Variants in MKLN1 observed in about 807,000 individuals in gnomAD.
MKLN1 encodes muskelin.
In MKLN1, 18 loss-of-function variants were observed where a neutral mutation model predicts 99.0. That is an observed-to-expected ratio of 0.18 (90% CI 0.13 to 0.27). The LOEUF (loss-of-function observed/expected upper bound fraction) is 0.27. MKLN1 is among the 10% of genes least tolerant of loss of function. The pLI is 1.00. For synonymous variants in MKLN1, 288 were observed against 293.2 expected (o/e 0.98, Z 0.18); for missense variants, 621 against 875.9 (o/e 0.71, Z 3.67).
chr7:131,349,201 C>CTATCTATCT (rs1554556174), intron 1 of MKLN1, among the ~76,000 whole-genome samples: 2 of 148,212 alleles, frequency 1.3e-5, no homozygotes, highest in East Asian at 3.9e-4. Flanking sequence ...TTAAATCTAT[C>CTATCTATCT]TTTTTTTTTT....
chr7:131,328,128 G>C (rs1223752842), intron 1 of MKLN1, 131 bp downstream of exon 1: 3 of 1,138,644 alleles, frequency 2.6e-6, no homozygotes, highest in African/African-American at 1.6e-5. Context: ...GCGGCCTCCG[G>C]AGTCTTAGTT....
chr7:131,212,848 G>C (rs912226192), intron 3 of MKLN1, among the ~76,000 whole-genome samples: 1 of 151,702 alleles, frequency 6.6e-6, no homozygotes, highest in South Asian at 2.1e-4. Flanking sequence ...GCTGGAACCC[G>C]GGAGGCGGAG....
chr7:131,485,664 C>T (rs751613232), intron 17 of MKLN1, among the ~76,000 whole-genome samples: 1 of 152,074 alleles, frequency 6.6e-6, no homozygotes, highest in Non-Finnish European at 1.5e-5. Context: ...TGAGGACACA[C>T]AATATCACTT....
intron 2 of MKLN1, among the ~76,000 whole-genome samples, chr7:131,380,625 A>T (rs1452094234): frequency 6.6e-6 from 1 of 152,206 alleles, no homozygotes; most frequent in Non-Finnish European, 1.5e-5. Flanking sequence ...AAAGTTATTC[A>T]CTTTTTAGTT....
At position 131,487,817 on chromosome 7, in the gene MKLN1, A is replaced by C; in HGVS notation, c.*89A>C. The C allele has an allele frequency of 6.7e-7, 1 of 1,487,156 alleles. No homozygotes were observed. The highest frequency in any genetic ancestry group is 1.3e-5 in the South Asian group (1 of 79,196). 92.1% of individuals were successfully genotyped at this position (1,487,156 alleles called of 1,614,324 possible). A position where few individuals can be genotyped will look rare whatever the true frequency, so the allele number is the denominator to read the frequency against. On this transcript the variant is annotated 3_prime_UTR_variant, in exon 18 of 18. Coordinates refer to ENST00000352689, the MANE Select transcript of MKLN1 (RefSeq NM_013255.5). The surrounding 1 kb of genome is among the most constrained non-coding windows in gnomAD (Gnocchi z 4.7). ...CTCCACTGACTGACAGTAAAGCTGC[A>C]GTGATTGAGGACTGCACCAGAGTTC...
At chr7:131,430,298 T>A (rs1584734572) in intron 9 of MKLN1, among the ~76,000 whole-genome samples, 2 of 152,196 alleles carry the variant, frequency 1.3e-5, no homozygotes, top group South Asian at 4.2e-4. Context: ...GTCCAGGGAT[T>A]AATCACTGGA....
rs1188646068 is a variant in MKLN1 at position 131,488,025 on chromosome 7, AAAATT to A, written c.*299_*303del. The A allele has an allele frequency of 6.4e-6, 1 of 156,980 alleles. No individual in the cohort carries two copies. The allele number at this position is 156,980 out of a possible 1,614,324, so 9.7% of individuals were successfully genotyped here. ...TTTAAGAATTAATGAGTATAAAAGA[AAAATT>A]AGGCAGTTTACCCTTTTCAGATTTT... On this transcript the variant is annotated 3_prime_UTR_variant, in exon 18 of 18. Transcript: ENST00000352689.
At chr7:131,195,865 C>T (rs1011185113) in intron 2 of MKLN1, among the ~76,000 whole-genome samples, 2 of 152,070 alleles carry the variant, frequency 1.3e-5, no homozygotes, top group Non-Finnish European at 2.9e-5. Context: ...GCAGGGGAAC[C>T]GCTTGAACCC....
intron 1 of MKLN1, among the ~76,000 whole-genome samples, chr7:131,331,249 A>G (rs940101604): frequency 2.6e-5 from 4 of 152,164 alleles, no homozygotes; most frequent in Admixed American, 6.5e-5. Context: ...CCAGGGTCAT[A>G]TAGTTTTCCA....
intron 2 of MKLN1, among the ~76,000 whole-genome samples, chr7:131,153,045 T>G (rs1335718657): frequency 1.3e-5 from 2 of 149,308 alleles, no homozygotes; most frequent in Non-Finnish European, 3.0e-5. Context: ...TTTTTTTTTT[T>G]TTGGCAAGAC....
At chr7:131,243,739 C>T (rs946898448) in intron 3 of MKLN1, among the ~76,000 whole-genome samples, 1 of 152,238 alleles carries the variant, frequency 6.6e-6, no homozygotes. Flanking sequence ...TCAGGCCCTG[C>T]GAGGTAGCTC....
chr7:131,446,204 A>AT (rs372295779), intron 12 of MKLN1, among the ~76,000 whole-genome samples: 1 of 151,956 alleles, frequency 6.6e-6, no homozygotes, highest in Non-Finnish European at 1.5e-5. Context: ...GTGTTTGCTA[A>AT]TTTTTTTCAT....
chr7:131,128,691 C>T (rs1429037653), intron 1 of MKLN1, among the ~76,000 whole-genome samples: 2 of 152,000 alleles, frequency 1.3e-5, no homozygotes, highest in Non-Finnish European at 2.9e-5. Context: ...ATTCATAGCT[C>T]GCTGTAACCT....
intron 11 of MKLN1, among the ~76,000 whole-genome samples, chr7:131,445,127 T>G (rs375450229): frequency 6.6e-6 from 1 of 152,190 alleles, no homozygotes; most frequent in Non-Finnish European, 1.5e-5. Context: ...TCAAAAAGTA[T>G]GTATTAAAAT....
intron 1 of MKLN1, among the ~76,000 whole-genome samples, chr7:131,354,648 T>C (rs1799821436): frequency 6.6e-6 from 1 of 152,158 alleles, no homozygotes; most frequent in Non-Finnish European, 1.5e-5. Context: ...TATTTTTTTC[T>C]GGATTTTTGA....
At position 131,479,750 on chromosome 7, in the gene MKLN1, C is replaced by A. The variant is rs1797065609; in HGVS notation, c.2086+1073C>A. On this transcript the variant is annotated intron_variant, in intron 17 of 17. Coordinates refer to ENST00000352689, the MANE Select transcript of MKLN1 (RefSeq NM_013255.5). ...GCTGAGGCAGGAGAATGGCGGTAAC[C>A]CAGGAGGCAGAGCTCGCAGTGAGCC... is the stretch of plus-strand genomic sequence containing the variant. 7.2e-5 allele frequency among the ~76,000 whole-genome samples: 11 copies of A among 151,982 alleles called. No homozygotes were observed. The South Asian group carries it at 2.3e-3, about 32-fold the overall frequency.
chr7:131,468,406 A>C (rs1796718466), intron 15 of MKLN1, among the ~76,000 whole-genome samples: 1 of 152,198 alleles, frequency 6.6e-6, no homozygotes, highest in Admixed American at 6.5e-5. Flanking sequence ...AATGTTAAGC[A>C]GATTTATTTT....
intron 8 of MKLN1, among the ~76,000 whole-genome samples, chr7:131,423,900 T>C (rs1410654806): frequency 6.6e-6 from 1 of 152,228 alleles, no homozygotes; most frequent in Non-Finnish European, 1.5e-5. Flanking sequence ...GTATGTTGAA[T>C]TCACCCAAAA....
Position 131,496,483 on chromosome 7 carries a change from T to C in MKLN1, c.*8755T>C, listed in dbSNP as rs1357974953. 3 of 152,042 alleles carry C rather than the reference T, an allele frequency of 2.0e-5. No homozygotes were observed. Among genetic ancestry groups the C allele is most frequent in the African/African-American group, 7.3e-5 (3 of 41,316 alleles). 9.4% of individuals were successfully genotyped at this position (152,042 alleles called of 1,614,324 possible). A position where few individuals can be genotyped will look rare whatever the true frequency, so the allele number is the denominator to read the frequency against. ...GTACAAATAATTTTCAGATCCCAGC[T>C]TTGGTAAATGTGTTAATTCTACTTT... On this transcript the variant is annotated 3_prime_UTR_variant, in exon 18 of 18. Transcript: ENST00000352689.
Sources: gnomAD v4.1 joint callset for allele counts (sites outside exome capture counted in the v4.1 genomes callset) on GRCh38, gnomAD v4.1.1 for gene constraint, Gnocchi (gnomAD v3.1) non-coding constraint, MANE v1.5 for transcripts, NCBI Gene and HGNC (gene_info 2026-07-23, HGNC 2026-07-21) for gene names.